The following FAT3 variants were observed in gnomAD, a reference collection of about 807,000 sequenced individuals.
The protein encoded by FAT3 is protocadherin Fat 3.
Under a neutral mutation model 310.2 loss-of-function variants are expected in FAT3, and 95 were observed. The observed-to-expected ratio is 0.31, with a 90% CI of 0.26 to 0.36. The LOEUF (loss-of-function observed/expected upper bound fraction) is 0.36. Ranked by LOEUF, FAT3 falls within the 10% of genes least tolerant of loss-of-function variation. FAT3 has a pLI of 1.00. For missense variants in FAT3, 5,408 were observed against 5,715.6 expected (o/e 0.95, Z 1.74); for synonymous variants, 2,314 against 2,192.9 (o/e 1.06, Z -1.54).
chr11:92,315,658 G>A lies in FAT3; in HGVS notation c.-17-36438G>A, dbSNP rs75342964. Reference sequence around the variant, plus strand: ...CCCGCCTCAGCCTCCCGAGTAGCGGGGACTACAGACATGCATCACCACACC... The same window carrying A: ...CCCGCCTCAGCCTCCCGAGTAGCGGAGACTACAGACATGCATCACCACACC... On this transcript the variant is annotated intron_variant, in intron 1 of 27. Coordinates refer to ENST00000525166, the MANE Select transcript of FAT3 (RefSeq NM_001367949.2). Among the ~76,000 whole-genome samples the A allele has an allele frequency of 5.3e-5, 8 of 151,094 alleles. No individual in the cohort carries two copies. The East Asian group carries it at 1.6e-3, about 30-fold the overall frequency.
intron 3 of FAT3, among the ~76,000 whole-genome samples, chr11:92,575,076 T>G (rs561110087): frequency 6.6e-6 from 1 of 152,320 alleles, no homozygotes; most frequent in African/African-American, 2.4e-5. Flanking sequence ...GTCCTTGTTA[T>G]TTCCCCTTTA....
At chr11:92,291,633 T>G (rs2134396234) in intron 1 of FAT3, among the ~76,000 whole-genome samples, 1 of 151,462 alleles carries the variant, frequency 6.6e-6, no homozygotes, top group East Asian at 1.9e-4. Context: ...GGCCAAAAGT[T>G]ATTTCTGCTT....
chr11:92,630,255 C>A (rs1381607005), intron 3 of FAT3, among the ~76,000 whole-genome samples: 1 of 152,166 alleles, frequency 6.6e-6, no homozygotes, highest in East Asian at 1.9e-4. Context: ...TCTTAATCAG[C>A]CCTTTGGTCT....
At chr11:92,239,121 T>G (rs1202384) in intron 1 of FAT3, among the ~76,000 whole-genome samples, 31,412 of 151,988 alleles carry the variant, frequency 0.21, 3,502 homozygotes, top group East Asian at 0.39. Flanking sequence ...GCATAGAGCT[T>G]CTAAGTGACT....
chr11:92,811,483 G>A (rs1947671163), intron 13 of FAT3, among the ~76,000 whole-genome samples: 1 of 152,112 alleles, frequency 6.6e-6, no homozygotes, highest in Non-Finnish European at 1.5e-5. Context: ...ATGAGGGGGT[G>A]GAGTGGGGTG....
intron 1 of FAT3, among the ~76,000 whole-genome samples, chr11:92,298,590 G>C (rs1946909249): frequency 6.6e-6 from 1 of 152,124 alleles, no homozygotes; most frequent in African/African-American, 2.4e-5. Flanking sequence ...CATGCTTTCT[G>C]TGCTGGTTTG....
intron 10 of FAT3, among the ~76,000 whole-genome samples, chr11:92,803,190 C>T (rs1250093622): frequency 6.6e-6 from 1 of 152,058 alleles, no homozygotes; most frequent in African/African-American, 2.4e-5. Context: ...CTGTAAAATA[C>T]TCAGCCTTAA....
chr11:92,579,202 A>G (rs1481734648), intron 3 of FAT3, among the ~76,000 whole-genome samples: 1 of 152,164 alleles, frequency 6.6e-6, no homozygotes, highest in Non-Finnish European at 1.5e-5. Context: ...GGAATGGACC[A>G]GTGAAAATGA....
chr11:92,876,883 C>A (rs1428377882), intron 22 of FAT3, among the ~76,000 whole-genome samples: 1 of 152,186 alleles, frequency 6.6e-6, no homozygotes, highest in African/African-American at 2.4e-5. Context: ...ACATCAGTCA[C>A]TGACAAATTT....
intron 27 of FAT3, 141 bp from the exon 28 acceptor site, chr11:92,890,350 G>C (rs1018106983): frequency 1.0e-6 from 1 of 999,966 alleles, no homozygotes; most frequent in African/African-American, 1.6e-5. Flanking sequence ...AGCATGGCTG[G>C]CCCCATAGAC....
chr11:92,348,225 C>T (rs1948468046), intron 1 of FAT3, among the ~76,000 whole-genome samples: 1 of 151,926 alleles, frequency 6.6e-6, no homozygotes, highest in East Asian at 1.9e-4. Context: ...CTTAGTCCTG[C>T]TCAGTTTTTT....
intron 13 of FAT3, among the ~76,000 whole-genome samples, chr11:92,820,612 T>A (rs1329953133): frequency 6.6e-6 from 1 of 152,028 alleles, no homozygotes; most frequent in Non-Finnish European, 1.5e-5. Context: ...ACAACTGCTC[T>A]TGAAAATGGA....
intron 3 of FAT3, among the ~76,000 whole-genome samples, chr11:92,564,576 G>A (rs1445610532): frequency 6.6e-6 from 1 of 152,030 alleles, no homozygotes; most frequent in Non-Finnish European, 1.5e-5. Context: ...CAAATCAACA[G>A]AATATACATT....
chr11:92,613,739 A>AG (rs1940676933), intron 3 of FAT3, among the ~76,000 whole-genome samples: 2 of 152,126 alleles, frequency 1.3e-5, no homozygotes, highest in Non-Finnish European at 2.9e-5. Flanking sequence ...TTGGGAGTAA[A>AG]ATAAGTGATA....
intron 1 of FAT3, among the ~76,000 whole-genome samples, chr11:92,350,240 A>G (rs1049087279): frequency 2.0e-5 from 3 of 152,132 alleles, no homozygotes; most frequent in Non-Finnish European, 2.9e-5. Flanking sequence ...ATGAGGTTTT[A>G]TATTATCATT....
chr11:92,569,191 A>G (rs914160124), intron 3 of FAT3, among the ~76,000 whole-genome samples: 10 of 152,186 alleles, frequency 6.6e-5, no homozygotes, highest in Non-Finnish European at 1.5e-4. Flanking sequence ...GCTCTACTGC[A>G]TACTAGCTCC....
At chr11:92,499,723 A>ATGTGTGTGTGTGTATGTG (rs376710960) in intron 2 of FAT3, among the ~76,000 whole-genome samples, 334 of 127,820 alleles carry the variant, frequency 2.6e-3, no homozygotes, top group African/African-American at 8.2e-3. Flanking sequence ...ATGTGTGTGT[A>ATGTGTGTGTGTGTATGTG]TGTGTGTGTG....
chr11:92,771,822 A>G (rs916441062), intron 6 of FAT3, among the ~76,000 whole-genome samples: 1 of 152,030 alleles, frequency 6.6e-6, no homozygotes, highest in Admixed American at 6.6e-5. Context: ...AACGACTAAG[A>G]AAAAGCACAC....
chr11:92,532,043 AC>A (rs1954095859), intron 3 of FAT3, among the ~76,000 whole-genome samples: 4 of 152,064 alleles, frequency 2.6e-5, no homozygotes, highest in African/African-American at 9.6e-5. Context: ...ACTTTACAGA[AC>A]CCCATTCCAT....
Sources: gnomAD v4.1 joint callset for allele counts (sites outside exome capture counted in the v4.1 genomes callset) on GRCh38, gnomAD v4.1.1 for gene constraint, MANE v1.5 for transcripts, NCBI Gene and HGNC (gene_info 2026-07-23, HGNC 2026-07-21) for gene names.